Variants in NEGR1 observed in about 807,000 individuals in gnomAD.
NEGR1 encodes IgLON family member 4.
NEGR1 carries 10 observed loss-of-function variants against 40.9 expected under a neutral mutation model. The observed-to-expected ratio is 0.24, with a 90% CI of 0.15 to 0.42. The LOEUF is 0.42. NEGR1 is among the 10% of genes least tolerant of loss of function. The pLI is 1.00. For synonymous variants in NEGR1, 185 were observed against 166.8 expected, an observed-to-expected ratio of 1.11 and a Z score of -0.84; for missense variants, 352 against 438.9, an observed-to-expected ratio of 0.80 and a Z score of 1.77.
At chr1:71,787,226 T>C (rs1337757670) in intron 2 of NEGR1, among the ~76,000 whole-genome samples, 1 of 152,208 alleles carries the variant, frequency 6.6e-6, no homozygotes, top group Non-Finnish European at 1.5e-5. Context: ...GAACTTATCT[T>C]ATGTGACTTC....
At chr1:71,712,828 G>A (rs922343751) in intron 3 of NEGR1, among the ~76,000 whole-genome samples, 1 of 151,938 alleles carries the variant, frequency 6.6e-6, no homozygotes, top group Admixed American at 6.6e-5. Context: ...ATAAGATATG[G>A]TTGTTTGAAA....
chr1:71,517,691 G>A (rs1395978390), intron 6 of NEGR1, among the ~76,000 whole-genome samples: 261 of 128,310 alleles, frequency 2.0e-3, no homozygotes, highest in African/African-American at 7.0e-3. Context: ...CTCTCTCACC[G>A]CTCCTATTCA....
At chr1:71,660,493 GA>G (rs200548635) in intron 4 of NEGR1, among the ~76,000 whole-genome samples, 8 of 151,008 alleles carry the variant, frequency 5.3e-5, no homozygotes, top group South Asian at 2.1e-4. Flanking sequence ...GTTTAAAAAA[GA>G]AAAAAAAGTC....
chr1:71,762,090 G>T lies in NEGR1; in HGVS notation c.535+14082C>A, dbSNP rs141697306. On this transcript the variant is annotated intron_variant, in intron 3 of 6. Transcript: ENST00000357731. ...TCTATACTTTGCTGGAACTAGTAAA[G>T]GTTGGACATCCTTAGACTATGATAA... 3.5e-3 allele frequency among the ~76,000 whole-genome samples: 539 copies of T among 152,154 alleles called. 3 individuals carry two copies. Among genetic ancestry groups the T allele is most frequent in the African/African-American group, 0.012 (494 of 41,530 alleles).
chr1:71,946,141 T>G (rs1275078909), intron 1 of NEGR1, among the ~76,000 whole-genome samples: 1 of 152,136 alleles, frequency 6.6e-6, no homozygotes, highest in Non-Finnish European at 1.5e-5. Context: ...CTTGACCTCC[T>G]GGGTTCAAGC....
At chr1:72,063,987 C>A (rs1370669272) in intron 1 of NEGR1, among the ~76,000 whole-genome samples, 2 of 151,552 alleles carry the variant, frequency 1.3e-5, no homozygotes, top group African/African-American at 4.9e-5. Flanking sequence ...GTTTCAATTT[C>A]AGTTTAAGAA....
rs528973058 is a variant in NEGR1 at position 71,650,665 on chromosome 1, T to A, written c.668-39519A>T. ...TTGACTATTTCAAGAAAACTTTCTATCCATAAAGCTTTATTCTTTAAGTTG... is the reference window on the plus strand; with the variant it reads ...TTGACTATTTCAAGAAAACTTTCTAACCATAAAGCTTTATTCTTTAAGTTG... On this transcript the variant is annotated intron_variant, in intron 4 of 6. Transcript: ENST00000357731. Among the ~76,000 whole-genome samples the A allele has an allele frequency of 5.3e-5, 8 of 152,280 alleles. No individual in the cohort carries two copies. The East Asian group carries it at 1.5e-3, about 29-fold the overall frequency.
At chr1:71,556,370 G>T (rs1042405147) in intron 6 of NEGR1, among the ~76,000 whole-genome samples, 3 of 151,550 alleles carry the variant, frequency 2.0e-5, no homozygotes, top group African/African-American at 7.3e-5. Flanking sequence ...GCTGAAGAGA[G>T]AGGTACACAC....
At chr1:72,153,289 A>G (rs1260027560) in intron 1 of NEGR1, among the ~76,000 whole-genome samples, 2 of 151,994 alleles carry the variant, frequency 1.3e-5, no homozygotes, top group Admixed American at 1.3e-4. Flanking sequence ...TCAGTGGAAT[A>G]AAACTATAGT....
rs562731815 is a variant in NEGR1 at position 71,449,049 on chromosome 1, T to C, written c.941-41479A>G. Among the ~76,000 whole-genome samples the C allele has an allele frequency of 2.6e-5, 4 of 152,294 alleles. No homozygotes were observed. In the South Asian group the frequency reaches 8.3e-4, roughly 32 times the overall value. ...CTTTCATACTTTGTGTACAATTTAC[T>C]TTGAGGCGTGATGACATAATCTGCA... On this transcript the variant is annotated intron_variant, in intron 6 of 6. Transcript: ENST00000357731.
intron 5 of NEGR1, among the ~76,000 whole-genome samples, chr1:71,599,176 T>C (rs1649837411): frequency 6.6e-6 from 1 of 152,226 alleles, no homozygotes; most frequent in South Asian, 2.1e-4. Flanking sequence ...TTTATGTACA[T>C]ATATGCCAAA....
At chr1:72,017,801 A>T (rs1646724528) in intron 1 of NEGR1, among the ~76,000 whole-genome samples, 1 of 152,174 alleles carries the variant, frequency 6.6e-6, no homozygotes, top group Non-Finnish European at 1.5e-5. Flanking sequence ...AGTTAAACTG[A>T]ATTAAAGGAG....
chr1:71,716,343 A>T (rs543811863), intron 3 of NEGR1, among the ~76,000 whole-genome samples: 1 of 152,270 alleles, frequency 6.6e-6, no homozygotes, highest in African/African-American at 2.4e-5. Context: ...TTCTAGGGTT[A>T]TCATGAGCAT....
intron 4 of NEGR1, among the ~76,000 whole-genome samples, chr1:71,616,185 C>A (rs1570110046): frequency 6.6e-6 from 1 of 152,102 alleles, no homozygotes; most frequent in South Asian, 2.1e-4. Flanking sequence ...AGGAACCGGG[C>A]CTGTTAGGAA....
At chr1:71,918,121 G>C (rs891542654) in intron 2 of NEGR1, among the ~76,000 whole-genome samples, 22 of 148,360 alleles carry the variant, frequency 1.5e-4, no homozygotes, top group African/African-American at 3.2e-4. Context: ...GGAGGCTGAG[G>C]CAGGAGAATG....
chr1:72,095,490 C>T lies in NEGR1; in HGVS notation c.177-160179G>A, dbSNP rs1296318667. ...TAGTGTGATATATTTCTCTTGAATG[C>T]CTTATATTAATTATGAATCCCCTGT... On this transcript the variant is annotated intron_variant, in intron 1 of 6. Transcript: ENST00000357731. Among the ~76,000 whole-genome samples, 5 of 151,912 alleles carry T rather than the reference C, an allele frequency of 3.3e-5. No homozygotes were observed. In the East Asian group the frequency reaches 9.6e-4, roughly 29 times the overall value.
chr1:72,059,020 A>G, intron 1 of NEGR1, among the ~76,000 whole-genome samples: 1 of 151,644 alleles, frequency 6.6e-6, no homozygotes, highest in South Asian at 2.1e-4. Context: ...GAAAATGCGC[A>G]TTGGAAATAC....
intron 6 of NEGR1, among the ~76,000 whole-genome samples, chr1:71,542,859 C>T (rs774232056): frequency 6.6e-6 from 1 of 151,666 alleles, no homozygotes; most frequent in Non-Finnish European, 1.5e-5. Context: ...TTTTCCTGAT[C>T]CAACCAATTC....
chr1:72,081,101 A>C (rs1020875208), intron 1 of NEGR1, among the ~76,000 whole-genome samples: 1 of 152,162 alleles, frequency 6.6e-6, no homozygotes, highest in Non-Finnish European at 1.5e-5. Flanking sequence ...AGTCATTTAC[A>C]TACTTTCAGT....
Sources: allele counts gnomAD v4.1 joint callset (sites outside exome capture counted in the v4.1 genomes callset), GRCh38; gene constraint gnomAD v4.1.1; transcripts MANE v1.5; gene names NCBI Gene and HGNC (gene_info 2026-07-23, HGNC 2026-07-21).